CRY2: variants seen among roughly 807,000 people sequenced by gnomAD.
CRY2 encodes cryptochrome circadian regulator 2, also known as cryptochrome-2.
A neutral mutation model predicts 69.5 loss-of-function variants in CRY2; 31 were observed. The observed-to-expected ratio is 0.45, with a 90% CI of 0.34 to 0.60. The LOEUF (loss-of-function observed/expected upper bound fraction) is 0.60. Among genes scored for constraint, CRY2 ranks in the 20% least tolerant of loss-of-function variants. The pLI, the probability that CRY2 is intolerant of heterozygous loss-of-function variation, is 0.02. For missense variants in CRY2, 606 were observed against 797.8 expected, an observed-to-expected ratio of 0.76 and a Z score of 2.90; for synonymous variants, 303 against 312.2, an observed-to-expected ratio of 0.97 and a Z score of 0.31.
chr11:45,881,840 C>T lies in CRY2; in HGVS notation c.*929C>T, dbSNP rs1433601412. The T allele has an allele frequency of 1.3e-5, 2 of 152,296 alleles. No individual in the cohort carries two copies. Among genetic ancestry groups the T allele is most frequent in the Admixed American group, 1.3e-4 (2 of 15,286 alleles). 9.4% of individuals were successfully genotyped at this position (152,296 alleles called of 1,614,324 possible). ...CCCCCTGGTTTCTCTGGCCACACTC[C>T]AAGGCACCACAGTGCTGCCAGTGAG... On this transcript the variant is annotated 3_prime_UTR_variant, in exon 12 of 12. Coordinates refer to ENST00000616080, the MANE Select transcript of CRY2 (RefSeq NM_021117.5).
chr11:45,870,949 C>T lies in CRY2; in HGVS notation c.1642+15C>T, dbSNP rs1299962134. 31 of 1,603,942 alleles carry T rather than the reference C, an allele frequency of 1.9e-5. No individual in the cohort carries two copies. The highest frequency in any genetic ancestry group is 2.5e-5 in the Non-Finnish European group (29 of 1,177,480). On this transcript the variant is annotated intron_variant, in intron 10 of 11. Coordinates refer to ENST00000616080, the MANE Select transcript of CRY2 (RefSeq NM_021117.5). The stretch of plus-strand genomic sequence containing the variant: ...GAGCAGTGCAGGTGAGCAGCAGCAA[C>T]CAACCTCCTGTGGCCTCCTGTGGCC...
chr11:45,847,782 C>A, intron 1 of CRY2, 77 bp downstream of exon 1: 1 of 1,448,528 alleles, frequency 6.9e-7, no homozygotes, highest in Non-Finnish European at 9.2e-7. Flanking sequence ...CAGCACGATC[C>A]CCCCAACCCC....
intron 1 of CRY2, among the ~76,000 whole-genome samples, chr11:45,853,430 A>G (rs2086213579): frequency 6.6e-6 from 1 of 152,222 alleles, no homozygotes. Context: ...GCTGTACTTT[A>G]GAGATGCTAC....
At chr11:45,855,588 A>G (rs976594392) in intron 1 of CRY2, among the ~76,000 whole-genome samples, 1 of 152,180 alleles carries the variant, frequency 6.6e-6, no homozygotes, top group African/African-American at 2.4e-5. Flanking sequence ...ACACAGAAAC[A>G]CCACACTAGG....
chr11:45,858,959 G>T, intron 3 of CRY2, 86 bp downstream of exon 3: 1 of 1,512,400 alleles, frequency 6.6e-7, no homozygotes, highest in Non-Finnish European at 8.9e-7. Context: ...GAGAGGTTCA[G>T]CATTAGGGCT....
chr11:45,847,515 G>GCAGCTGTGGCCCCGGCGC lies in CRY2; in HGVS notation c.30_47dup (p.Val11_Ala16dup), dbSNP rs2086159998. ...CATGGCGGCGACTGTGGCGACGGCG[G>GCAGCTGTGGCCCCGGCGC]CAGCTGTGGCCCCGGCGCCAGCGCC... On this transcript the variant is annotated inframe_insertion, in exon 1 of 12. Transcript: ENST00000616080. 1 of 1,591,012 alleles carries GCAGCTGTGGCCCCGGCGC rather than the reference G, an allele frequency of 6.3e-7. No individual in the cohort carries two copies.
intron 5 of CRY2, chr11:45,867,339 T>G: frequency 2.4e-6 from 1 of 413,658 alleles, no homozygotes; most frequent in Non-Finnish European, 4.3e-6. Context: ...GATTGGAAAT[T>G]TTGTTCTTAT....
At chr11:45,855,721 T>C (rs537296906) in intron 1 of CRY2, among the ~76,000 whole-genome samples, 3 of 152,220 alleles carry the variant, frequency 2.0e-5, no homozygotes, top group African/African-American at 7.2e-5. Flanking sequence ...AGCTTCACAT[T>C]ACCGGCGAGA....
At chr11:45,878,151 G>A (rs1304258877) in intron 11 of CRY2, among the ~76,000 whole-genome samples, 1 of 152,198 alleles carries the variant, frequency 6.6e-6, no homozygotes, top group Non-Finnish European at 1.5e-5. Context: ...TTGGAAAGTC[G>A]ATGGAGGATG....
At chr11:45,878,951 C>T (rs565342178) in intron 11 of CRY2, among the ~76,000 whole-genome samples, 2 of 125,590 alleles carry the variant, frequency 1.6e-5, no homozygotes, top group Non-Finnish European at 3.2e-5. Flanking sequence ...AAAAAAAAGT[C>T]GGGCTCGGTG....
In CRY2 at chr11:45,870,531, C is replaced by T; in HGVS notation, c.1548C>T (p.Leu516=). The change falls in exon 9 of 12, where the codon CTC becomes CTT. Residue 516 remains leucine (L), a splice_region_variant and synonymous_variant. Transcript: ENST00000616080. ...IYQQLSRYRG[L]CLLASVPSCV... ...AGCAGCTTTCGCGCTACCGGGGACT[C>T]TGTAAGGAGACAAACACCTAGCTCA... 6.2e-7 allele frequency: 1 copy of T among 1,613,922 alleles called. No individual in the cohort carries two copies.
In CRY2 at chr11:45,868,072, A is replaced by C. The variant is rs1046076905; in HGVS notation, c.882+320A>C. ...GCTGGTGGACAGGGGCGAGGTCCCC[A>C]GGGTGAGAGGCATGGAGAGGGTGAG... On this transcript the variant is annotated intron_variant, in intron 6 of 11. Coordinates refer to ENST00000616080, the MANE Select transcript of CRY2 (RefSeq NM_021117.5). 5.5e-5 allele frequency: 17 copies of C among 306,396 alleles called. No homozygotes were observed. In the East Asian group the frequency reaches 1.0e-3, roughly 18 times the overall value. 19.0% of individuals were successfully genotyped at this position (306,396 alleles called of 1,614,324 possible).
At chr11:45,855,846 CCAGGCCTCTCCAGCCCTAG>C in intron 1 of CRY2, 117 bp from the exon 2 acceptor site, 1 of 773,072 alleles carries the variant, frequency 1.3e-6, no homozygotes, top group South Asian at 1.5e-5. Context: ...GGGCTGGAAC[CCAGGCCTCTCCAGCCCTAG>C]TGATCATGAG....
rs535398442 is a variant in CRY2 at position 45,883,085 on chromosome 11, G to A, written c.*2174G>A. On this transcript the variant is annotated 3_prime_UTR_variant, in exon 12 of 12. Transcript: ENST00000616080. ...CTCAGGTGGCCCTGAGGGCTCCCTCGGAACAGTGCCTCAAATCCTGACCCA... is the reference window on the plus strand; with the variant it reads ...CTCAGGTGGCCCTGAGGGCTCCCTCAGAACAGTGCCTCAAATCCTGACCCA... 23 of 220,842 alleles carry A rather than the reference G, an allele frequency of 1.0e-4. No homozygotes were observed. The highest frequency in any genetic ancestry group is 2.8e-4 in the East Asian group (3 of 10,854). 13.7% of individuals were successfully genotyped at this position (220,842 alleles called of 1,614,324 possible).
intron 5 of CRY2, among the ~76,000 whole-genome samples, chr11:45,865,846 C>T (rs2086326632): frequency 6.6e-6 from 1 of 152,170 alleles, no homozygotes; most frequent in South Asian, 2.1e-4. Flanking sequence ...AACAGGAAGC[C>T]CACTGTGTAC....
At chr11:45,877,406 C>G (rs1178747754) in intron 11 of CRY2, among the ~76,000 whole-genome samples, 1 of 152,244 alleles carries the variant, frequency 6.6e-6, no homozygotes, top group Non-Finnish European at 1.5e-5. Context: ...TAAACTCATG[C>G]CTGCACACGT....
intron 1 of CRY2, among the ~76,000 whole-genome samples, chr11:45,853,608 G>A (rs943817070): frequency 6.6e-6 from 1 of 152,104 alleles, no homozygotes; most frequent in Admixed American, 6.6e-5. Context: ...CCCCCAAAGC[G>A]CATGGCAAGG....
At chr11:45,871,836 C>G (rs2086385847) in intron 10 of CRY2, among the ~76,000 whole-genome samples, 1 of 152,240 alleles carries the variant, frequency 6.6e-6, no homozygotes, top group Admixed American at 6.5e-5. Flanking sequence ...AAATCAGTCT[C>G]TGGCCACAGC....
intron 1 of CRY2, among the ~76,000 whole-genome samples, chr11:45,851,562 C>T (rs2086199428): frequency 6.6e-6 from 1 of 152,178 alleles, no homozygotes; most frequent in Non-Finnish European, 1.5e-5. Context: ...TACTGTTCTG[C>T]TGCCAAGGAA....
Sources: gnomAD v4.1 joint callset for allele counts (sites outside exome capture counted in the v4.1 genomes callset) on GRCh38, gnomAD v4.1.1 for gene constraint, MANE v1.5 for transcripts, NCBI Gene and HGNC (gene_info 2026-07-23, HGNC 2026-07-21) for gene names.